Variants in SHANK2 observed in about 807,000 individuals in gnomAD.
SHANK2 encodes SH3 and multiple ankyrin repeat domains 2.
A neutral mutation model predicts 133.7 loss-of-function variants in SHANK2; 43 were observed. That is an observed-to-expected ratio of 0.32 (90% CI 0.25 to 0.41). The LOEUF (loss-of-function observed/expected upper bound fraction) is 0.41. SHANK2 is among the 10% of genes least tolerant of loss of function. The pLI is 1.00. For missense variants in SHANK2, 1,994 were observed against 2,235.8 expected, an observed-to-expected ratio of 0.89 and a Z score of 2.18; for synonymous variants, 1,017 against 952.8, an observed-to-expected ratio of 1.07 and a Z score of -1.24.
chr11:71,076,851 C>A (rs1216952634), intron 8 of SHANK2, among the ~76,000 whole-genome samples: 3 of 152,218 alleles, frequency 2.0e-5, no homozygotes, highest in Non-Finnish European at 4.4e-5. Context: ...GCTACCAAGT[C>A]CCAAGCTAGA....
chr11:70,607,147 C>G (rs1428197865), intron 17 of SHANK2, among the ~76,000 whole-genome samples: 1 of 152,208 alleles, frequency 6.6e-6, no homozygotes, highest in Non-Finnish European at 1.5e-5. Flanking sequence ...CCGCCTTCCT[C>G]CCCGGGCACC....
chr11:71,168,693 C>T (rs1555111646), intron 2 of SHANK2, among the ~76,000 whole-genome samples: 1 of 152,116 alleles, frequency 6.6e-6, no homozygotes, highest in Non-Finnish European at 1.5e-5. Flanking sequence ...GGCGTGGCGG[C>T]GCGCGCCTGC....
At chr11:70,616,411 T>C (rs1053980530) in intron 17 of SHANK2, among the ~76,000 whole-genome samples, 5 of 151,598 alleles carry the variant, frequency 3.3e-5, no homozygotes, top group Non-Finnish European at 7.4e-5. Context: ...GGGCCTACAA[T>C]GAGATCAGAG....
chr11:70,844,539 G>A (rs1555062644), intron 11 of SHANK2, among the ~76,000 whole-genome samples: 1 of 152,218 alleles, frequency 6.6e-6, no homozygotes, highest in African/African-American at 2.4e-5. Flanking sequence ...GCCGGGCACT[G>A]CCCTTCACTC....
chr11:70,933,949 C>T (rs1408122687), intron 10 of SHANK2, among the ~76,000 whole-genome samples: 5 of 148,798 alleles, frequency 3.4e-5, no homozygotes, highest in Admixed American at 3.3e-4. Context: ...AAAACAACAA[C>T]AGCTGGGCGC....
chr11:70,828,452 A>G (rs1948678574), intron 11 of SHANK2, among the ~76,000 whole-genome samples: 1 of 152,272 alleles, frequency 6.6e-6, no homozygotes, highest in African/African-American at 2.4e-5. Context: ...ACTTGCATTA[A>G]GAAACGGTTC....
At position 70,538,240 on chromosome 11, in the gene SHANK2, G is replaced by A. The variant is rs1049603202; in HGVS notation, c.2062-35309C>T. On this transcript the variant is annotated intron_variant, in intron 17 of 25. Coordinates refer to ENST00000601538, the MANE Select transcript of SHANK2 (RefSeq NM_012309.5). ...TGTGGACATAGCCAGCAGCCCACAC[G>A]GAGTCCCCGGGCGCTGACCTCTTCC... is the stretch of plus-strand genomic sequence containing the variant. Among the ~76,000 whole-genome samples, 6 of 152,232 alleles carry A rather than the reference G, an allele frequency of 3.9e-5. No homozygotes were observed. The South Asian group carries it at 6.2e-4, about 16-fold the overall frequency.
At chr11:70,588,659 T>C (rs2060283471) in intron 17 of SHANK2, among the ~76,000 whole-genome samples, 1 of 152,204 alleles carries the variant, frequency 6.6e-6, no homozygotes, top group Non-Finnish European at 1.5e-5. Context: ...AGCTAGCAAC[T>C]TCCATCAAGT....
At chr11:70,719,523 T>A (rs1213122) in intron 14 of SHANK2, among the ~76,000 whole-genome samples, 1 of 152,008 alleles carries the variant, frequency 6.6e-6, no homozygotes. Context: ...TGCAGCATGG[T>A]GGAGGGGTGC....
chr11:71,096,207 T>C (rs1555095374), intron 6 of SHANK2, among the ~76,000 whole-genome samples: 1 of 152,260 alleles, frequency 6.6e-6, no homozygotes, highest in East Asian at 1.9e-4. Context: ...CTCTGTTGCA[T>C]ACCCTCCTGA....
At chr11:71,092,803 G>A (rs1448460289) in intron 7 of SHANK2, among the ~76,000 whole-genome samples, 1 of 152,158 alleles carries the variant, frequency 6.6e-6, no homozygotes, top group East Asian at 1.9e-4. Context: ...CATTTTGGGA[G>A]GCTGAGGCAG....
intron 17 of SHANK2, among the ~76,000 whole-genome samples, chr11:70,552,248 C>T (rs1459058844): frequency 5.3e-5 from 8 of 152,124 alleles, no homozygotes; most frequent in East Asian, 1.9e-4. Context: ...CGCACACAGG[C>T]GAGCAGACAG....
chr11:71,179,844 A>G (rs947832816), intron 2 of SHANK2, among the ~76,000 whole-genome samples: 3 of 152,222 alleles, frequency 2.0e-5, no homozygotes, highest in Non-Finnish European at 4.4e-5. Context: ...CCAACAGAAA[A>G]TAAGACATGC....
At chr11:70,950,990 A>T (rs1023743817) in intron 10 of SHANK2, 2 of 172,652 alleles carry the variant, frequency 1.2e-5, no homozygotes, top group African/African-American at 4.8e-5. Flanking sequence ...TTGAAGGCAC[A>T]TTAAGACTAC....
chr11:70,606,229 C>G (rs2060574954), intron 17 of SHANK2, among the ~76,000 whole-genome samples: 1 of 152,098 alleles, frequency 6.6e-6, no homozygotes, highest in Admixed American at 6.6e-5. Context: ...CCACCTTTTC[C>G]ACTGAAGAGA....
intron 14 of SHANK2, among the ~76,000 whole-genome samples, chr11:70,780,340 G>A (rs1338488679): frequency 2.0e-5 from 3 of 152,116 alleles, no homozygotes; most frequent in Non-Finnish European, 4.4e-5. Context: ...CAGGGCTCCA[G>A]GCCAGCTCTG....
chr11:70,728,837 C>T (rs1946225278), intron 14 of SHANK2, among the ~76,000 whole-genome samples: 1 of 152,114 alleles, frequency 6.6e-6, no homozygotes, highest in African/African-American at 2.4e-5. Flanking sequence ...CTAAACATAC[C>T]CATAAGGGGT....
At chr11:70,517,545 A>G (rs775747489) in intron 17 of SHANK2, among the ~76,000 whole-genome samples, 1 of 152,244 alleles carries the variant, frequency 6.6e-6, no homozygotes, top group Non-Finnish European at 1.5e-5. Context: ...GAAATGAGCT[A>G]CCAAGCCATG....
intron 17 of SHANK2, among the ~76,000 whole-genome samples, chr11:70,539,549 A>G (rs112261496): frequency 2.6e-4 from 24 of 91,332 alleles, no homozygotes; most frequent in Non-Finnish European, 5.3e-4. Flanking sequence ...ACGCTCACTC[A>G]CCATACTCAC....
Sources: allele counts gnomAD v4.1 joint callset (sites outside exome capture counted in the v4.1 genomes callset), GRCh38; gene constraint gnomAD v4.1.1; transcripts MANE v1.5; gene names NCBI Gene and HGNC (gene_info 2026-07-23, HGNC 2026-07-21).